Variants in POU3F3 observed in about 807,000 individuals in gnomAD.
The protein encoded by POU3F3 is POU class 3 homeobox 3.
POU3F3 carries 1 observed loss-of-function variant against 8.6 expected under a neutral mutation model. That is an observed-to-expected ratio of 0.12 (90% CI 0.04 to 0.55). The LOEUF is 0.55. POU3F3 is among the 20% of genes least tolerant of loss of function. The probability of loss-of-function intolerance (pLI) is 0.91; values close to 1 mark genes in which losing one functional copy is unlikely to be tolerated. For synonymous variants in POU3F3, 418 were observed against 327.4 expected, an observed-to-expected ratio of 1.28 and a Z score of -2.99; for missense variants, 577 against 690.7, an observed-to-expected ratio of 0.84 and a Z score of 1.84.
At chr2:104,904,279 T>C in the POU3F3 span, among the ~76,000 whole-genome samples, 1 of 152,192 alleles carries the variant, frequency 6.6e-6, no homozygotes, top group African/African-American at 2.4e-5. Flanking sequence ...ATTAAAACCC[T>C]CTTAGGTGAT....
chr2:104,879,788 T>C, the POU3F3 span, among the ~76,000 whole-genome samples: 2 of 152,050 alleles, frequency 1.3e-5, no homozygotes, highest in African/African-American at 2.4e-5. Flanking sequence ...GTGCAGGGGG[T>C]GTATCCAGGT....
chr2:104,896,921 C>T, the POU3F3 span, among the ~76,000 whole-genome samples: 37 of 152,324 alleles, frequency 2.4e-4, no homozygotes, highest in South Asian at 1.7e-3. Context: ...CAGATTGGTC[C>T]TCGGAGCTTC....
At chr2:104,924,611 G>T in the POU3F3 span, among the ~76,000 whole-genome samples, 4 of 152,110 alleles carry the variant, frequency 2.6e-5, no homozygotes, top group Non-Finnish European at 4.4e-5. Context: ...AATAATTGTC[G>T]ATCCTTCTCC....
At chr2:104,894,205 C>A in the POU3F3 span, among the ~76,000 whole-genome samples, 3 of 152,140 alleles carry the variant, frequency 2.0e-5, no homozygotes, top group African/African-American at 7.2e-5. Flanking sequence ...GAGTTGTACC[C>A]GGTGCACAGC....
At chr2:104,884,722 A>G in the POU3F3 span, among the ~76,000 whole-genome samples, 2 of 152,208 alleles carry the variant, frequency 1.3e-5, no homozygotes, top group Non-Finnish European at 2.9e-5. Context: ...GCAGTCAGCC[A>G]TGTAGTCTTG....
chr2:104,879,492 G>GA, the POU3F3 span, among the ~76,000 whole-genome samples: 42 of 149,698 alleles, frequency 2.8e-4, no homozygotes, highest in African/African-American at 7.3e-4. Context: ...CAATTTCTTT[G>GA]AAAAAAAAAA....
At chr2:104,879,981 A>C in the POU3F3 span, among the ~76,000 whole-genome samples, 1 of 152,202 alleles carries the variant, frequency 6.6e-6, no homozygotes, top group African/African-American at 2.4e-5. Flanking sequence ...TAAAAACAAA[A>C]GCTAAGATTT....
chr2:104,881,032 G>A, the POU3F3 span, among the ~76,000 whole-genome samples: 1 of 152,108 alleles, frequency 6.6e-6, no homozygotes, highest in African/African-American at 2.4e-5. Flanking sequence ...ATAGATTTTA[G>A]ACCCTTAGAG....
Position 104,854,852 on chromosome 2 carries a change from G to A in POU3F3, c.-659G>A, listed in dbSNP as rs533174142. On this transcript the variant is annotated 5_prime_UTR_variant, in exon 1 of 1. Transcript: ENST00000361360. This position sits in a 1 kb window ranked among gnomAD's most constrained non-coding sequence, Gnocchi z 4.5. ...TGAAATGTGTTCCTGAGGAGGAGAG[G>A]AGAGGAGAGGAGAGAGCGGACAAGA... Among the ~76,000 whole-genome samples, 1 of 152,310 alleles carries A rather than the reference G, an allele frequency of 6.6e-6. No individual in the cohort carries two copies. The highest frequency in any genetic ancestry group is 6.5e-5 in the Admixed American group (1 of 15,288).
At chr2:104,877,543 G>T in the POU3F3 span, among the ~76,000 whole-genome samples, 1 of 152,192 alleles carries the variant, frequency 6.6e-6, no homozygotes, top group African/African-American at 2.4e-5. Flanking sequence ...TGCAGAGAGA[G>T]TGGGACCTGG....
the POU3F3 span, among the ~76,000 whole-genome samples, chr2:104,903,622 A>G: frequency 6.6e-6 from 1 of 152,226 alleles, no homozygotes; most frequent in Admixed American, 6.5e-5. Flanking sequence ...AATTAAGTCA[A>G]CTTTAACACA....
downstream of POU3F3, among the ~76,000 whole-genome samples, chr2:104,859,647 T>C (rs762122189): frequency 8.5e-5 from 13 of 152,220 alleles, no homozygotes; most frequent in Admixed American, 5.2e-4. Context: ...ACAGGCCCTG[T>C]GTCACTTTCA....
At chr2:104,864,395 C>G in the POU3F3 span, among the ~76,000 whole-genome samples, 1 of 152,202 alleles carries the variant, frequency 6.6e-6, no homozygotes, top group South Asian at 2.1e-4. Flanking sequence ...GTGCCGCGTC[C>G]CCAAGTCAGC....
At chr2:104,901,401 C>A in the POU3F3 span, among the ~76,000 whole-genome samples, 1 of 152,190 alleles carries the variant, frequency 6.6e-6, no homozygotes, top group Non-Finnish European at 1.5e-5. Context: ...AATTTGAGGG[C>A]ACTGAGCTGC....
In POU3F3 at chr2:104,857,089, C is replaced by A. The variant is rs1676582037; in HGVS notation, c.*76C>A. The A allele has an allele frequency of 1.1e-6, 1 of 907,932 alleles. No individual in the cohort carries two copies. The highest frequency in any genetic ancestry group is 1.3e-6 in the Non-Finnish European group (1 of 762,674). 56.2% of individuals were successfully genotyped at this position (907,932 alleles called of 1,614,324 possible). On this transcript the variant is annotated 3_prime_UTR_variant, in exon 1 of 1. Coordinates refer to ENST00000361360, the MANE Select transcript of POU3F3 (RefSeq NM_006236.3). ...GCCGTCAGCACCGCCGCCGCCCCTG[C>A]CGCCGCCGCCGCCGCCGCCGCCGCC... is the stretch of plus-strand genomic sequence containing the variant.
chr2:104,915,443 C>T, the POU3F3 span, among the ~76,000 whole-genome samples: 2 of 149,506 alleles, frequency 1.3e-5, no homozygotes, highest in Non-Finnish European at 2.9e-5. Context: ...GAGCAAGTCT[C>T]TGGCAAAATT....
chr2:104,922,390 C>A, the POU3F3 span, among the ~76,000 whole-genome samples: 4 of 76,724 alleles, frequency 5.2e-5, no homozygotes, highest in African/African-American at 1.0e-4. Context: ...CTTGAAGATG[C>A]TCAAAAAAAA....
Position 104,856,386 on chromosome 2 carries a change from G to A in POU3F3, c.876G>A (p.Pro292=). 3 of 1,561,640 alleles carry A rather than the reference G, an allele frequency of 1.9e-6. No homozygotes were observed. Among genetic ancestry groups the A allele is most frequent in the South Asian group, 2.3e-5 (2 of 86,424 alleles). Residue 292 remains proline (P), a synonymous_variant, in exon 1 of 1, where the codon CCG becomes CCA. Transcript: ENST00000361360. ...ACCCGCACCACGCGCAGGGACCCCCGCACCACGGCGGCGGCGGCGGCGGCG... is the reference window on the plus strand; with the variant it reads ...ACCCGCACCACGCGCAGGGACCCCCACACCACGGCGGCGGCGGCGGCGGCG... ...PPHPHHAQGP[P]HHGGGGGGAG...
At chr2:104,875,742 A>C in the POU3F3 span, among the ~76,000 whole-genome samples, 1 of 152,106 alleles carries the variant, frequency 6.6e-6, no homozygotes, top group East Asian at 1.9e-4. Flanking sequence ...TTTGAGATGG[A>C]GTCTCGCTCT....
Sources: gnomAD v4.1 joint callset for allele counts (sites outside exome capture counted in the v4.1 genomes callset) on GRCh38, gnomAD v4.1.1 for gene constraint, Gnocchi (gnomAD v3.1) non-coding constraint, MANE v1.5 for transcripts, NCBI Gene and HGNC (gene_info 2026-07-23, HGNC 2026-07-21) for gene names.